Variants in PIGN observed in about 807,000 individuals in gnomAD.
PIGN encodes phosphatidylinositol glycan anchor biosynthesis class N.
A neutral mutation model predicts 125.4 loss-of-function variants in PIGN; 117 were observed. The ratio of observed to expected loss-of-function variants is 0.93; its 90% CI spans 0.80 to 1.09. The LOEUF (loss-of-function observed/expected upper bound fraction) is 1.09. Ranked by LOEUF, PIGN falls within the 50% of genes least tolerant of loss-of-function variation. The pLI is 0.00. For missense variants in PIGN, 1,075 were observed against 1,094.9 expected (o/e 0.98, Z 0.26); for synonymous variants, 392 against 377.8 (o/e 1.04, Z -0.44).
rs188874681 is a variant in PIGN, at chr18:62,174,576, C to T, written c.-235-10920G>A. ...ATGCAGCAGTAAAAATCTAATTAGGCGAGATGAATGAGTAAACAATTATAA... is the reference window on the plus strand; with the variant it reads ...ATGCAGCAGTAAAAATCTAATTAGGTGAGATGAATGAGTAAACAATTATAA... On this transcript the variant is annotated intron_variant, in intron 1 of 30. Transcript: ENST00000640252. 16 of 152,178 alleles carry T rather than the reference C, an allele frequency of 1.1e-4. No individual in the cohort carries two copies. In the South Asian group the frequency reaches 1.5e-3, roughly 14 times the overall value. The allele number at this position is 152,178 out of a possible 1,614,324, so 9.4% of individuals were successfully genotyped here.
Position 62,085,269 on chromosome 18 carries a change from AG to A in PIGN, c.2371-6del. ...TGCTGTCACTAAGAAGAAAACCTAA[AG>A]GGAGTCAAGGAAATGGCAAAACAAC... On this transcript the variant is annotated splice_polypyrimidine_tract_variant and splice_region_variant and intron_variant, in intron 25 of 30. Coordinates refer to ENST00000640252, the MANE Select transcript of PIGN (RefSeq NM_176787.5). The A allele has an allele frequency of 6.5e-7, 1 of 1,538,230 alleles. No individual in the cohort carries two copies. Among genetic ancestry groups the A allele is most frequent in the South Asian group, 1.2e-5 (1 of 83,070 alleles).
chr18:62,156,462 T>C (rs755825815), intron 6 of PIGN, among the ~76,000 whole-genome samples: 2 of 152,168 alleles, frequency 1.3e-5, no homozygotes, highest in East Asian at 1.9e-4. Context: ...ACCTGAGTAG[T>C]TGGGACTACA....
At chr18:62,026,720 C>G (rs1380798440) in intron 23 of PIGN, among the ~76,000 whole-genome samples, 1 of 152,200 alleles carries the variant, frequency 6.6e-6, no homozygotes, top group African/African-American at 2.4e-5. Context: ...TACTGCCACT[C>G]TTGTCAAAAG....
chr18:62,158,347 T>TA (rs2036815980), intron 4 of PIGN, among the ~76,000 whole-genome samples: 1 of 152,190 alleles, frequency 6.6e-6, no homozygotes, highest in Non-Finnish European at 1.5e-5. Flanking sequence ...ATTGTCATAC[T>TA]AGGTAAAGGG....
chr18:62,032,203 G>A (rs1295742516), intron 23 of PIGN, among the ~76,000 whole-genome samples: 1 of 152,166 alleles, frequency 6.6e-6, no homozygotes, highest in Non-Finnish European at 1.5e-5. Context: ...ACAGATGCTG[G>A]GGGCTAGGAT....
chr18:62,103,725 A>T (rs1237441286), intron 20 of PIGN: 1 of 152,238 alleles, frequency 6.6e-6, no homozygotes, highest in Admixed American at 6.5e-5. Flanking sequence ...ACACCTAAGA[A>T]GAATGCAAAG....
chr18:62,098,863 C>T (rs904516834), intron 22 of PIGN, among the ~76,000 whole-genome samples: 5 of 152,048 alleles, frequency 3.3e-5, no homozygotes, highest in Admixed American at 6.5e-5. Flanking sequence ...TGAATCTCCT[C>T]CTCACCATTC....
intron 1 of PIGN, chr18:62,174,301 T>C (rs956730373): frequency 6.6e-6 from 1 of 152,152 alleles, no homozygotes; most frequent in Admixed American, 6.5e-5. Flanking sequence ...ACTGCTGTAA[T>C]TACTTACTTT....
chr18:62,093,248 T>A (rs1179582278), intron 23 of PIGN, among the ~76,000 whole-genome samples: 1 of 152,116 alleles, frequency 6.6e-6, no homozygotes, highest in Non-Finnish European at 1.5e-5. Flanking sequence ...AGAATTTATT[T>A]CCTTTCAAAA....
In PIGN at chr18:62,041,555, T is replaced by C. The variant is rs563206651; in HGVS notation, c.*4301A>G. The C allele has an allele frequency of 3.3e-5, 5 of 152,020 alleles. No individual in the cohort carries two copies. The highest frequency in any genetic ancestry group is 2.1e-4 in the South Asian group (1 of 4,814). The allele number at this position is 152,020 out of a possible 1,614,324, so 9.4% of individuals were successfully genotyped here. A position where few individuals can be genotyped will look rare whatever the true frequency, so the allele number is the denominator to read the frequency against. On this transcript the variant is annotated 3_prime_UTR_variant, in exon 31 of 31. Transcript: ENST00000640252. The stretch of plus-strand genomic sequence containing the variant: ...CCAGAGTGGCACCATCTCGGCTCAT[T>C]GCAAATTCCACCTCCCAGGTTCAAG...
chr18:62,175,246 C>T (rs1299057918), intron 1 of PIGN, among the ~76,000 whole-genome samples: 4 of 151,534 alleles, frequency 2.6e-5, no homozygotes, highest in South Asian at 2.1e-4. Context: ...CAAATGGTTT[C>T]CCTACCAAAC....
intron 1 of PIGN, among the ~76,000 whole-genome samples, chr18:62,165,821 G>T (rs2037113250): frequency 6.6e-6 from 1 of 152,180 alleles, no homozygotes; most frequent in South Asian, 2.1e-4. Flanking sequence ...TAATCTAGGA[G>T]CTTGGAGTTC....
At chr18:62,147,243 T>C (rs1335403712) in intron 8 of PIGN, 142 bp from the exon 9 acceptor site, 18 of 1,034,302 alleles carry the variant, frequency 1.7e-5, no homozygotes, top group South Asian at 1.3e-4. Context: ...CAGAGTACTC[T>C]AGATTGTTAA....
intron 25 of PIGN, among the ~76,000 whole-genome samples, chr18:62,087,336 A>G (rs1287516081): frequency 6.6e-6 from 1 of 152,238 alleles, no homozygotes; most frequent in Non-Finnish European, 1.5e-5. Context: ...GTGGTCAGGT[A>G]AACTGAATAG....
downstream of PIGN, among the ~76,000 whole-genome samples, chr18:62,036,552 A>G (rs2030263420): frequency 6.6e-6 from 1 of 152,178 alleles, no homozygotes; most frequent in Admixed American, 6.5e-5. Flanking sequence ...TTAGTACTTG[A>G]ATTTCTTACA....
chr18:62,062,907 T>TTTTTTTTTTTTTTTTTTTTTTTTTTTTC (rs2032258183), intron 30 of PIGN, among the ~76,000 whole-genome samples: 1 of 90,572 alleles, frequency 1.1e-5, no homozygotes, highest in Non-Finnish European at 2.6e-5. Flanking sequence ...TTTTTTTTTT[T>TTTTTTTTTTTTTTTTTTTTTTTTTTTTC]TTTTTGCTGT....
chr18:62,077,942 C>T (rs1457011795), intron 28 of PIGN, among the ~76,000 whole-genome samples: 2 of 152,180 alleles, frequency 1.3e-5, no homozygotes. Flanking sequence ...CCCTTAGGTT[C>T]ACATGTTATC....
At chr18:62,032,524 T>C (rs1403762631) in intron 23 of PIGN, among the ~76,000 whole-genome samples, 1 of 152,226 alleles carries the variant, frequency 6.6e-6, no homozygotes, top group Non-Finnish European at 1.5e-5. Context: ...TACTTGATTA[T>C]CTATATGCAA....
At chr18:62,049,434 T>C (rs2031057161) in intron 30 of PIGN, among the ~76,000 whole-genome samples, 1 of 151,376 alleles carries the variant, frequency 6.6e-6, no homozygotes. Flanking sequence ...GGTTTTGATT[T>C]GCATTTCTCT....
Sources: allele counts gnomAD v4.1 joint callset (sites outside exome capture counted in the v4.1 genomes callset), GRCh38; gene constraint gnomAD v4.1.1; transcripts MANE v1.5; gene names NCBI Gene and HGNC (gene_info 2026-07-23, HGNC 2026-07-21).